The following FRMD6 variants were observed in gnomAD, a reference collection of about 807,000 sequenced individuals.
FRMD6 encodes the protein FERM domain-containing protein 6.
A neutral mutation model predicts 73.2 loss-of-function variants in FRMD6; 37 were observed. That is an observed-to-expected ratio of 0.51 (90% CI 0.39 to 0.66). FRMD6 has a LOEUF of 0.66. Among genes scored for constraint, FRMD6 ranks in the 30% least tolerant of loss-of-function variants. The pLI is 0.00. For missense variants in FRMD6, 714 were observed against 780.5 expected (o/e 0.91, Z 1.02); for synonymous variants, 273 against 282.2 (o/e 0.97, Z 0.33).
the FRMD6 span, among the ~76,000 whole-genome samples, chr14:51,459,162 T>G: frequency 1.3e-5 from 2 of 152,220 alleles, no homozygotes; most frequent in Non-Finnish European, 2.9e-5. Context: ...TTTACTTCTG[T>G]TCTCTGTAGC....
chr14:51,654,647 G>A (rs973269339), intron 1 of FRMD6, among the ~76,000 whole-genome samples: 4 of 151,470 alleles, frequency 2.6e-5, no homozygotes, highest in Non-Finnish European at 5.9e-5. Flanking sequence ...CCAGTACCAA[G>A]AAAAGATTAA....
At chr14:51,551,337 A>G (rs1169355680) in intron 1 of FRMD6, among the ~76,000 whole-genome samples, 3 of 152,230 alleles carry the variant, frequency 2.0e-5, no homozygotes, top group Non-Finnish European at 1.5e-5. Context: ...ATCGTAGAAG[A>G]AAAATTGACT....
chr14:51,540,067 A>G (rs1295088670), intron 1 of FRMD6, among the ~76,000 whole-genome samples: 3 of 152,184 alleles, frequency 2.0e-5, no homozygotes, highest in African/African-American at 4.8e-5. Flanking sequence ...CTTTATAAAT[A>G]TCAGTGGCAA....
chr14:51,627,508 A>G (rs887178089), intron 2 of FRMD6, among the ~76,000 whole-genome samples: 5 of 152,208 alleles, frequency 3.3e-5, no homozygotes, highest in Non-Finnish European at 7.3e-5. Context: ...CACAGCCCAG[A>G]GGAGACCAGA....
chr14:51,455,338 AG>A, the FRMD6 span, among the ~76,000 whole-genome samples: 1 of 152,212 alleles, frequency 6.6e-6, no homozygotes, highest in Non-Finnish European at 1.5e-5. Flanking sequence ...GCAGTTCCCA[AG>A]GAAGTGATTT....
intron 1 of FRMD6, among the ~76,000 whole-genome samples, chr14:51,552,244 G>A (rs1033243190): frequency 6.6e-6 from 1 of 152,208 alleles, no homozygotes; most frequent in Non-Finnish European, 1.5e-5. Flanking sequence ...ACATCTGTTG[G>A]TGAACCTGTC....
chr14:51,550,521 CTCT>C, intron 1 of FRMD6, among the ~76,000 whole-genome samples: 1 of 152,034 alleles, frequency 6.6e-6, no homozygotes, highest in Non-Finnish European at 1.5e-5. Context: ...CCTCAGGAAG[CTCT>C]TCTCCTTGAG....
At chr14:51,481,329 G>C in the FRMD6 span, among the ~76,000 whole-genome samples, 1 of 152,178 alleles carries the variant, frequency 6.6e-6, no homozygotes, top group Non-Finnish European at 1.5e-5. Flanking sequence ...AAAGTGAAAA[G>C]CATGTCTTAT....
At chr14:51,648,055 C>T (rs1208929375), upstream of FRMD6, among the ~76,000 whole-genome samples, 1 of 152,164 alleles carries the variant, frequency 6.6e-6, no homozygotes, top group African/African-American at 2.4e-5. Flanking sequence ...GAACTCCTGA[C>T]CTCAGGTGAT....
At chr14:51,459,718 T>G in the FRMD6 span, among the ~76,000 whole-genome samples, 1,982 of 149,806 alleles carry the variant, frequency 0.013, 47 homozygotes, top group African/African-American at 0.047. Flanking sequence ...TCCCAGCTGC[T>G]CGGGAGGCTG....
At chr14:51,590,320 C>T (rs1314549003) in intron 2 of FRMD6, among the ~76,000 whole-genome samples, 1 of 152,080 alleles carries the variant, frequency 6.6e-6, no homozygotes, top group Non-Finnish European at 1.5e-5. Flanking sequence ...GAGGCAGCCT[C>T]TTCGATTTTT....
chr14:51,501,677 C>A (rs1459086059), intron 1 of FRMD6, among the ~76,000 whole-genome samples: 1 of 151,958 alleles, frequency 6.6e-6, no homozygotes, highest in Non-Finnish European at 1.5e-5. Context: ...CACAATGAAC[C>A]AACGCATGCA....
intron 1 of FRMD6, among the ~76,000 whole-genome samples, chr14:51,504,162 ACAG>A (rs1213202439): frequency 2.6e-4 from 40 of 152,132 alleles, no homozygotes; most frequent in African/African-American, 8.9e-4. Context: ...TTTTCTTTTA[ACAG>A]TCAGGCTACT....
the FRMD6 span, among the ~76,000 whole-genome samples, chr14:51,462,033 G>A: frequency 6.6e-6 from 1 of 152,022 alleles, no homozygotes; most frequent in African/African-American, 2.4e-5. Context: ...GGGAGGGAGG[G>A]AAGGAGGAAG....
chr14:51,613,447 A>G (rs1890591335), intron 2 of FRMD6, among the ~76,000 whole-genome samples: 1 of 152,218 alleles, frequency 6.6e-6, no homozygotes, highest in Admixed American at 6.5e-5. Flanking sequence ...TGAAGAATCC[A>G]AGAAGACAGA....
rs116797614 is a variant in FRMD6 at position 51,623,968 on chromosome 14, C to T, written c.-147+53558C>T. On this transcript the variant is annotated intron_variant, in intron 2 of 14. Coordinates refer to the FRMD6 transcript ENST00000356218. ...ACATATACATGGAATACTATGCAGC[C>T]GTAAAAAGGAAAAAGATCATGTCCT... 3.0e-3 allele frequency among the ~76,000 whole-genome samples: 463 copies of T among 152,090 alleles called. 2 individuals are homozygous for T. Among genetic ancestry groups the T allele is most frequent in the African/African-American group, 0.01 (432 of 41,460 alleles).
At chr14:51,568,387 T>C (rs924568842) in intron 1 of FRMD6, among the ~76,000 whole-genome samples, 3 of 152,260 alleles carry the variant, frequency 2.0e-5, no homozygotes, top group Admixed American at 2.0e-4. Context: ...TAAGCAGCCT[T>C]AATCCAGAAA....
chr14:51,637,482 CACACACACACACACACACAT>C (rs1250700956), intron 2 of FRMD6: 13 of 143,456 alleles, frequency 9.1e-5, no homozygotes, highest in Admixed American at 8.3e-4. Context: ...CACACACACA[CACACACACACACACACACAT>C]ATATTTGGAA....
chr14:51,672,236 A>G (rs1894060623), intron 1 of FRMD6, among the ~76,000 whole-genome samples: 1 of 152,194 alleles, frequency 6.6e-6, no homozygotes. Flanking sequence ...GAGCCAAAGA[A>G]TTGTAGCATC....
Sources: allele counts gnomAD v4.1 joint callset (sites outside exome capture counted in the v4.1 genomes callset), GRCh38; gene constraint gnomAD v4.1.1; transcripts MANE v1.5; gene names NCBI Gene and HGNC (gene_info 2026-07-23, HGNC 2026-07-21).